Variants in PNPLA4 observed in about 807,000 individuals in gnomAD.
The protein encoded by PNPLA4 is patatin-like phospholipase domain-containing protein 4.
Under a neutral mutation model 18.3 loss-of-function variants are expected in PNPLA4, and 15 were observed. The ratio of observed to expected loss-of-function variants is 0.82; its 90% CI spans 0.55 to 1.26. PNPLA4 has a LOEUF of 1.26. Ranked by LOEUF, PNPLA4 falls within the 50% of genes most tolerant of loss-of-function variation. The pLI is 0.00. For missense variants in PNPLA4, 229 were observed against 196.8 expected, an observed-to-expected ratio of 1.16 and a Z score of -0.98; for synonymous variants, 88 against 85.6, an observed-to-expected ratio of 1.03 and a Z score of -0.16.
intron 2 of PNPLA4, among the ~76,000 whole-genome samples, chrX:7,924,236 T>A (rs1338378434): frequency 1.8e-5 from 2 of 111,685 alleles, no homozygotes; most frequent in Non-Finnish European, 3.8e-5. Context: ...ATGCCCAGTA[T>A]CAGGTGCTCC....
intron 6 of PNPLA4, 65 bp downstream of exon 6, chrX:7,901,924 T>C: frequency 9.2e-7 from 1 of 1,091,055 alleles, no homozygotes; most frequent in Non-Finnish European, 1.3e-6. Flanking sequence ...GGGAAACACG[T>C]TGAATTCTGT....
chrX:7,911,285 TA>T (rs1367185872), intron 5 of PNPLA4, among the ~76,000 whole-genome samples: 1 of 112,177 alleles, frequency 8.9e-6, no homozygotes, highest in Non-Finnish European at 1.9e-5. Flanking sequence ...ATAAAATACG[TA>T]TCTGTGACAT....
In PNPLA4 at chrX:7,902,151, G is replaced by T. The variant is rs751456990; in HGVS notation, c.478-10C>A. On this transcript the variant is annotated splice_polypyrimidine_tract_variant and intron_variant, in intron 5 of 6. Transcript: ENST00000381042. ...CTCCGTCCACCCACTTCTGTGGAAA[G>T]AAACATCTCACGTCAGCACACGTCA... 1 of 1,194,623 alleles carries T rather than the reference G, an allele frequency of 8.4e-7. No individual in the cohort carries two copies. Among genetic ancestry groups the T allele is most frequent in the South Asian group, 1.9e-5 (1 of 53,991 alleles).
rs746105059 is a variant in PNPLA4, at chrX:7,899,990, G to A, written c.*696C>T. ...TCTCATGATAGTGAACGAGTCTCAAGAGATCCGATGGTTTTATAAAGGGGA... is the reference window on the plus strand; with the variant it reads ...TCTCATGATAGTGAACGAGTCTCAAAAGATCCGATGGTTTTATAAAGGGGA... On this transcript the variant is annotated 3_prime_UTR_variant, in exon 7 of 7. Transcript: ENST00000381042. 5.0e-4 allele frequency: 57 copies of A among 113,693 alleles called. No individual in the cohort carries two copies. The South Asian group carries it at 8.9e-3, about 18-fold the overall frequency. The allele number at this position is 113,693 out of a possible 1,213,427, so 9.4% of individuals were successfully genotyped here. A position where few individuals can be genotyped will look rare whatever the true frequency, so the allele number is the denominator to read the frequency against.
At chrX:7,907,531 G>T (rs1469554269) in intron 5 of PNPLA4, among the ~76,000 whole-genome samples, 1 of 111,922 alleles carries the variant, frequency 8.9e-6, no homozygotes, top group African/African-American at 3.2e-5. Flanking sequence ...TCTACCACTG[G>T]AAAGAGTTCA....
At chrX:7,910,961 G>T (rs776154548) in intron 5 of PNPLA4, among the ~76,000 whole-genome samples, 4 of 110,104 alleles carry the variant, frequency 3.6e-5, no homozygotes, top group Non-Finnish European at 5.7e-5. Context: ...GTAATTGTTA[G>T]ATAACTGATT....
At chrX:7,925,648 G>A (rs1420058541) in intron 2 of PNPLA4, among the ~76,000 whole-genome samples, 1 of 111,968 alleles carries the variant, frequency 8.9e-6, no homozygotes, top group Non-Finnish European at 1.9e-5. Flanking sequence ...ATAGAAAGAA[G>A]AAATATCCTT....
At position 7,901,860 on chromosome X, in the gene PNPLA4, A is replaced by G; in HGVS notation, c.630+129T>C. 3 of 622,740 alleles carry G rather than the reference A, an allele frequency of 4.8e-6. 1 individual carries two copies. The highest frequency in any genetic ancestry group is 7.7e-6 in the Non-Finnish European group (3 of 390,875). 51.3% of individuals were successfully genotyped at this position (622,740 alleles called of 1,213,427 possible). ...CATGTTATAAAGTATTAAACAACAC[A>G]CTAAGGAGAAGATGCAACTCCTACC... On this transcript the variant is annotated intron_variant, in intron 6 of 6. Coordinates refer to ENST00000381042, the MANE Select transcript of PNPLA4 (RefSeq NM_004650.3).
intron 2 of PNPLA4, 72 bp from the exon 3 acceptor site, chrX:7,922,170 GA>G: frequency 1.3e-6 from 1 of 770,649 alleles, no homozygotes; most frequent in South Asian, 2.3e-5. Flanking sequence ...TAAAACTTGG[GA>G]TTCTATAGAC....
intron 5 of PNPLA4, among the ~76,000 whole-genome samples, chrX:7,906,521 T>C (rs930689779): frequency 4.5e-5 from 5 of 111,895 alleles, no homozygotes; most frequent in African/African-American, 1.6e-4. Flanking sequence ...ACAGAAAATT[T>C]TTCCTAGAGG....
intron 4 of PNPLA4, among the ~76,000 whole-genome samples, chrX:7,914,286 GGAGT>G (rs775025819): frequency 2.8e-4 from 31 of 111,805 alleles, no homozygotes; most frequent in African/African-American, 9.8e-4. Context: ...AGGCAAAGCA[GGAGT>G]GAGTAGCACC....
In PNPLA4 at chrX:7,900,770, TG is replaced by T; in HGVS notation, c.677del (p.Pro226GlnfsTer35). The T allele has an allele frequency of 8.3e-7, 1 of 1,202,345 alleles. No homozygotes were observed. The highest frequency in any genetic ancestry group is 1.1e-6 in the Non-Finnish European group (1 of 888,154). ...ACAAAGATTCCATTTTCCTCTTGCT[TG>T]GGGGAAAAAGGGCTTGGTTGAGTCT... ...LVRLNQALFP[P>X]SKRKMESLYQ... On this transcript the variant is annotated frameshift_variant, in exon 7 of 7. Transcript: ENST00000381042.
intron 4 of PNPLA4, among the ~76,000 whole-genome samples, chrX:7,917,092 A>T (rs757795307): frequency 8.9e-6 from 1 of 112,600 alleles, no homozygotes; most frequent in Non-Finnish European, 1.9e-5. Context: ...GTAAGATTCA[A>T]AATTCTGTGG....
At chrX:7,916,850 A>AG (rs1421919720) in intron 4 of PNPLA4, among the ~76,000 whole-genome samples, 1 of 111,565 alleles carries the variant, frequency 9.0e-6, no homozygotes, top group Non-Finnish European at 1.9e-5. Context: ...ATGATTTTGG[A>AG]GGGGGGCCTC....
chrX:7,924,655 G>A (rs1924335789), intron 2 of PNPLA4, among the ~76,000 whole-genome samples: 1 of 112,243 alleles, frequency 8.9e-6, no homozygotes, highest in African/African-American at 3.2e-5. Context: ...AAACTGATCT[G>A]AGAATATGAT....
In PNPLA4 at chrX:7,921,997, T is replaced by G; in HGVS notation, c.275+7A>C. ...ATGTACTTTTGGGCAAAATGTACTC[T>G]GTATACCTTAGTCGGGCCATGAAGT... On this transcript the variant is annotated splice_region_variant and intron_variant, in intron 3 of 6. Coordinates refer to ENST00000381042, the MANE Select transcript of PNPLA4 (RefSeq NM_004650.3). 1 of 1,192,611 alleles carries G rather than the reference T, an allele frequency of 8.4e-7. No individual in the cohort carries two copies. Among genetic ancestry groups the G allele is most frequent in the African/African-American group, 1.7e-5 (1 of 57,571 alleles).
intron 4 of PNPLA4, among the ~76,000 whole-genome samples, chrX:7,915,628 C>T (rs1198402887): frequency 1.8e-5 from 2 of 111,879 alleles, no homozygotes; most frequent in Non-Finnish European, 3.8e-5. Context: ...TCGCCAGGTG[C>T]GCATTCCCGA....
At chrX:7,904,475 T>C (rs1569103514) in intron 5 of PNPLA4, among the ~76,000 whole-genome samples, 1 of 112,117 alleles carries the variant, frequency 8.9e-6, no homozygotes, top group Admixed American at 9.4e-5. Flanking sequence ...CTTGATGCTA[T>C]AGCCCCACTG....
intron 5 of PNPLA4, among the ~76,000 whole-genome samples, chrX:7,909,201 C>T (rs1261197278): frequency 5.4e-5 from 6 of 111,837 alleles, no homozygotes. Flanking sequence ...AATTTCCTCA[C>T]ATGTAAAATT....
Sources: gnomAD v4.1 joint callset for allele counts (sites outside exome capture counted in the v4.1 genomes callset) on GRCh38, gnomAD v4.1.1 for gene constraint, MANE v1.5 for transcripts, NCBI Gene and HGNC (gene_info 2026-07-23, HGNC 2026-07-21) for gene names.